Variants in CDH13 observed in about 807,000 individuals in gnomAD.
CDH13 encodes cadherin-13.
A neutral mutation model predicts 63.8 loss-of-function variants in CDH13; 24 were observed. The observed-to-expected ratio is 0.38, with a 90% CI of 0.27 to 0.53. CDH13 has a LOEUF of 0.53. CDH13 is among the 20% of genes least tolerant of loss of function. The probability of loss-of-function intolerance (pLI) is 0.85; values close to 1 mark genes in which losing one functional copy is unlikely to be tolerated. For missense variants in CDH13, 1,049 were observed against 903.1 expected, an observed-to-expected ratio of 1.16 and a Z score of -2.07; for synonymous variants, 503 against 355.3, an observed-to-expected ratio of 1.42 and a Z score of -4.67.
At chr16:83,604,177 T>C (rs572348560) in intron 8 of CDH13, among the ~76,000 whole-genome samples, 1 of 152,082 alleles carries the variant, frequency 6.6e-6, no homozygotes, top group South Asian at 2.1e-4. Flanking sequence ...ACTCAGGAGG[T>C]AGACGTCCCC....
Position 82,911,213 on chromosome 16 carries a change from T to G in CDH13, c.157+52740T>G, listed in dbSNP as rs138047771. ...TTTGCAACTTCCATTCATTTGCACA[T>G]CTCATCTGGCTGTAAGGCATAATGT... is the stretch of plus-strand genomic sequence containing the variant. On this transcript the variant is annotated intron_variant, in intron 2 of 13. Coordinates refer to ENST00000567109, the MANE Select transcript of CDH13 (RefSeq NM_001257.5). 1.3e-3 allele frequency among the ~76,000 whole-genome samples: 194 copies of G among 152,324 alleles called. 1 individual carries two copies. The highest frequency in any genetic ancestry group is 3.4e-3 in the Middle Eastern group (1 of 294).
chr16:82,638,560 G>T (rs4782722), intron 1 of CDH13, among the ~76,000 whole-genome samples: 72,564 of 151,942 alleles, frequency 0.48, 19,272 homozygotes, highest in Middle Eastern at 0.63. Context: ...GAATTTTATG[G>T]TCTGAAGGTG....
intron 3 of CDH13, among the ~76,000 whole-genome samples, chr16:83,050,804 CTCATTACT>C (rs2030239252): frequency 6.6e-6 from 1 of 152,062 alleles, no homozygotes; most frequent in Admixed American, 6.6e-5. Context: ...ACCTCATTAC[CTCATTACT>C]TCCTTACCTC....
rs145539159 is a variant in CDH13 at position 83,272,389 on chromosome 16, C to T, written c.636+54892C>T. On this transcript the variant is annotated intron_variant, in intron 5 of 13. Transcript: ENST00000567109. ...GTGAGACTGTGAACCAGGAGGACAG[C>T]GTTCCAGGCAGAGTGAATATTTGGA... 5.4e-3 allele frequency among the ~76,000 whole-genome samples: 821 copies of T among 152,298 alleles called. 10 individuals are homozygous for T. Among genetic ancestry groups the T allele is most frequent in the African/African-American group, 0.017 (723 of 41,564 alleles).
At chr16:82,950,710 A>G (rs185555945) in intron 2 of CDH13, among the ~76,000 whole-genome samples, 81 of 152,220 alleles carry the variant, frequency 5.3e-4, no homozygotes, top group African/African-American at 1.9e-3. Context: ...TACCAGTGAT[A>G]CTGGATTAAG....
At chr16:83,374,899 C>G (rs2091433886) in intron 6 of CDH13, among the ~76,000 whole-genome samples, 1 of 152,178 alleles carries the variant, frequency 6.6e-6, no homozygotes, top group Non-Finnish European at 1.5e-5. Context: ...CTACCACATC[C>G]AAATGTGGGC....
intron 3 of CDH13, among the ~76,000 whole-genome samples, chr16:83,062,820 G>C (rs2031676571): frequency 6.6e-6 from 1 of 152,090 alleles, no homozygotes; most frequent in African/African-American, 2.4e-5. Flanking sequence ...TTTTTCACCT[G>C]GTAACTTAGC....
chr16:83,124,785 C>G (rs925248425), intron 3 of CDH13, among the ~76,000 whole-genome samples: 1 of 152,100 alleles, frequency 6.6e-6, no homozygotes, highest in Non-Finnish European at 1.5e-5. Context: ...AATAGAGCGT[C>G]ATTTCCCTAT....
At chr16:83,102,930 C>CTTTTTTTTTTTTT (rs71148812) in intron 3 of CDH13, among the ~76,000 whole-genome samples, 2 of 96,928 alleles carry the variant, frequency 2.1e-5, no homozygotes, top group African/African-American at 9.2e-5. Context: ...TTTTCTTTTT[C>CTTTTTTTTTTTTT]TTTTTTTTTT....
chr16:83,573,481 C>G (rs1329344190), intron 7 of CDH13, among the ~76,000 whole-genome samples: 1 of 152,174 alleles, frequency 6.6e-6, no homozygotes, highest in Non-Finnish European at 1.5e-5. Context: ...GTGACACATG[C>G]TATCTCTTCC....
chr16:83,013,533 A>G (rs189352881), intron 2 of CDH13, among the ~76,000 whole-genome samples: 3 of 152,226 alleles, frequency 2.0e-5, no homozygotes, highest in Admixed American at 1.3e-4. Flanking sequence ...TCAAACCCCA[A>G]TCCTCACAAG....
intron 8 of CDH13, among the ~76,000 whole-genome samples, chr16:83,623,758 C>T (rs1910025988): frequency 1.3e-5 from 2 of 152,150 alleles, no homozygotes; most frequent in Non-Finnish European, 1.5e-5. Context: ...TCAACAAACC[C>T]AAACAAACTG....
intron 5 of CDH13, among the ~76,000 whole-genome samples, chr16:83,262,069 A>G (rs1465507427): frequency 2.6e-5 from 4 of 152,182 alleles, no homozygotes; most frequent in Non-Finnish European, 4.4e-5. Context: ...CTGAGAAGTT[A>G]CCAAATGATT....
intron 2 of CDH13, among the ~76,000 whole-genome samples, chr16:83,011,397 C>T (rs1914138570): frequency 6.6e-6 from 1 of 152,116 alleles, no homozygotes. Context: ...CATTCAATCC[C>T]CAGGGAATTA....
intron 6 of CDH13, among the ~76,000 whole-genome samples, chr16:83,434,277 A>G (rs552273887): frequency 1.3e-5 from 2 of 152,276 alleles, no homozygotes; most frequent in South Asian, 4.1e-4. Flanking sequence ...AGGGCTTGGA[A>G]TTTTGAGACC....
chr16:83,760,653 G>T (rs1236596358), intron 11 of CDH13, among the ~76,000 whole-genome samples: 3 of 152,206 alleles, frequency 2.0e-5, no homozygotes, highest in African/African-American at 7.2e-5. Context: ...ATCCTAGCCA[G>T]CAGATCACCT....
intron 2 of CDH13, among the ~76,000 whole-genome samples, chr16:83,030,638 G>GT (rs1052497839): frequency 2.0e-5 from 1 of 50,402 alleles, no homozygotes; most frequent in African/African-American, 9.7e-5. Flanking sequence ...GCAAGACTCT[G>GT]TTAAAAAAAA....
intron 6 of CDH13, among the ~76,000 whole-genome samples, chr16:83,464,350 T>C (rs984629318): frequency 6.6e-6 from 1 of 151,772 alleles, no homozygotes; most frequent in Non-Finnish European, 1.5e-5. Context: ...CTGTCTTTAC[T>C]AAAAATACAA....
At chr16:82,858,722 AG>A (rs2039807724) in intron 2 of CDH13, 1 of 588,666 alleles carries the variant, frequency 1.7e-6, no homozygotes, top group Non-Finnish European at 3.0e-6. Flanking sequence ...CTGTCAGAAA[AG>A]GGGGCTGTCA....
Sources: allele counts gnomAD v4.1 joint callset (sites outside exome capture counted in the v4.1 genomes callset), GRCh38; gene constraint gnomAD v4.1.1; transcripts MANE v1.5; gene names NCBI Gene and HGNC (gene_info 2026-07-23, HGNC 2026-07-21).